Variants in PDZD2 observed in about 807,000 individuals in gnomAD.
PDZD2 encodes the protein PDZ domain containing 2.
Under a neutral mutation model 220.7 loss-of-function variants are expected in PDZD2, and 90 were observed. The observed-to-expected ratio is 0.41, with a 90% confidence interval of 0.34 to 0.49. The LOEUF is 0.49. Among genes scored for constraint, PDZD2 ranks in the 20% least tolerant of loss-of-function variants. The pLI, the probability that PDZD2 is intolerant of heterozygous loss-of-function variation, is 0.28. For synonymous variants in PDZD2, 1,375 were observed against 1,450.5 expected (o/e 0.95, Z 1.18); for missense variants, 3,174 against 3,608.5 (o/e 0.88, Z 3.08).
chr5:31,747,851 A>G (rs1216664296), intron 1 of PDZD2: 1 of 152,780 alleles, frequency 6.5e-6, no homozygotes, highest in Non-Finnish European at 1.5e-5. Flanking sequence ...CCTGCCAGCC[A>G]GCATTCTGTA....
At chr5:31,989,426 T>TTTTTTTTTTTTATTTTTATTTTTA (rs1751023881) in intron 3 of PDZD2, among the ~76,000 whole-genome samples, 1 of 146,390 alleles carries the variant, frequency 6.8e-6, no homozygotes, top group African/African-American at 2.6e-5. Context: ...CTTTTCTTTT[T>TTTTTTTTTTTTATTTTTATTTTTA]TTTTTTTTTT....
At chr5:31,641,797 C>A (rs987607213) in intron 1 of PDZD2, among the ~76,000 whole-genome samples, 1 of 152,256 alleles carries the variant, frequency 6.6e-6, no homozygotes, top group African/African-American at 2.4e-5. Flanking sequence ...CCTGGCCCCT[C>A]GTTCTGCTCC....
chr5:31,889,008 C>T (rs973851173), intron 2 of PDZD2, among the ~76,000 whole-genome samples: 3 of 152,156 alleles, frequency 2.0e-5, no homozygotes, highest in Non-Finnish European at 4.4e-5. Context: ...CTTGATGCTC[C>T]TCCCCGAGCC....
At chr5:31,934,605 A>AT (rs1298281073) in intron 2 of PDZD2, among the ~76,000 whole-genome samples, 3 of 61,886 alleles carry the variant, frequency 4.8e-5, no homozygotes, top group Non-Finnish European at 6.8e-5. Flanking sequence ...GAACCATCTA[A>AT]TTAAAAAAAA....
In PDZD2 at chr5:31,686,283, A is replaced by C. The variant is rs568483444; in HGVS notation, c.-361+46846A>C. Among the ~76,000 whole-genome samples, 24 of 152,150 alleles carry C rather than the reference A, an allele frequency of 1.6e-4. No homozygotes were observed. In the South Asian group the frequency reaches 5.0e-3, roughly 32 times the overall value. On this transcript the variant is annotated intron_variant, in intron 1 of 24. Transcript: ENST00000438447. ...AAAAATTTCATATTTCTTCATTGAT[A>C]GTTTTTAAGTTATTTTCTAATAGGT... is the stretch of plus-strand genomic sequence containing the variant.
intron 7 of PDZD2, among the ~76,000 whole-genome samples, chr5:32,045,851 A>T (rs1737896330): frequency 6.6e-6 from 1 of 152,230 alleles, no homozygotes; most frequent in South Asian, 2.1e-4. Flanking sequence ...ATTCATTGCC[A>T]TATGACTGTA....
chr5:31,831,576 G>A (rs187889550), intron 2 of PDZD2, among the ~76,000 whole-genome samples: 16 of 152,130 alleles, frequency 1.1e-4, no homozygotes, highest in East Asian at 5.8e-4. Context: ...GTGAAACCCC[G>A]TCTCTACTAA....
chr5:31,812,034 A>ATAAATAAG lies in PDZD2; in HGVS notation c.476+12314_476+12315insTAAGTAAA, dbSNP rs1755150263. Among the ~76,000 whole-genome samples, 3 of 147,394 alleles carry ATAAATAAG rather than the reference A, an allele frequency of 2.0e-5. No individual in the cohort carries two copies. In the South Asian group the frequency reaches 6.3e-4, roughly 31 times the overall value. ...AATAAATAAATAAATAAATAAATAA[A>ATAAATAAG]TAAAAATTCAAGCTCTGTTAAGTAC... is the stretch of plus-strand genomic sequence containing the variant. On this transcript the variant is annotated intron_variant, in intron 2 of 24. Coordinates refer to ENST00000438447, the MANE Select transcript of PDZD2 (RefSeq NM_178140.4).
Position 32,092,892 on chromosome 5 carries a change from A to G in PDZD2, c.7728-15A>G. 8.0e-7 allele frequency: 1 copy of G among 1,257,784 alleles called. No homozygotes were observed. Among genetic ancestry groups the G allele is most frequent in the Non-Finnish European group, 1.1e-6 (1 of 877,320 alleles). The allele number at this position is 1,257,784 out of a possible 1,614,324, so 77.9% of individuals were successfully genotyped here. On this transcript the variant is annotated splice_polypyrimidine_tract_variant and intron_variant, in intron 20 of 24. Coordinates refer to ENST00000438447, the MANE Select transcript of PDZD2 (RefSeq NM_178140.4). The stretch of plus-strand genomic sequence containing the variant: ...TTTTTCTTTAATGTTCTTCAAATAT[A>G]TTTATATTATTTAGTTTGGATCAAC...
At chr5:31,864,151 C>A (rs1048322243) in intron 2 of PDZD2, among the ~76,000 whole-genome samples, 9 of 152,136 alleles carry the variant, frequency 5.9e-5, no homozygotes, top group African/African-American at 1.9e-4. Flanking sequence ...CTAGCAGTCC[C>A]CCTAACCTTG....
chr5:31,899,323 G>C (rs1489322005), intron 2 of PDZD2, among the ~76,000 whole-genome samples: 1 of 152,074 alleles, frequency 6.6e-6, no homozygotes, highest in Non-Finnish European at 1.5e-5. Flanking sequence ...AGTAGAGATG[G>C]GGTTTCACCA....
chr5:32,082,849 T>C (rs1742100762), intron 19 of PDZD2, among the ~76,000 whole-genome samples: 1 of 152,184 alleles, frequency 6.6e-6, no homozygotes, highest in African/African-American at 2.4e-5. Flanking sequence ...TTTAGCTTTC[T>C]GGCAGCAATT....
intron 2 of PDZD2, among the ~76,000 whole-genome samples, chr5:31,915,754 G>T (rs1030962514): frequency 1.3e-5 from 2 of 152,136 alleles, no homozygotes; most frequent in Non-Finnish European, 2.9e-5. Flanking sequence ...ACAGATGAAA[G>T]GACCAGTAGT....
intron 2 of PDZD2, among the ~76,000 whole-genome samples, chr5:31,938,517 T>C (rs893642859): frequency 5.3e-5 from 8 of 152,200 alleles, no homozygotes; most frequent in Non-Finnish European, 1.2e-4. Flanking sequence ...AGTCCAGCCA[T>C]GTATTGACTG....
chr5:31,730,592 G>GGTGT (rs55673526), intron 1 of PDZD2, among the ~76,000 whole-genome samples: 21,737 of 120,874 alleles, frequency 0.18, 1,992 homozygotes, highest in Non-Finnish European at 0.21. Context: ...GTGTGTGTGT[G>GGTGT]GTGTGTGTGT....
At chr5:32,048,748 C>A in intron 8 of PDZD2, 64 bp downstream of exon 8, 2 of 1,535,236 alleles carry the variant, frequency 1.3e-6, no homozygotes, top group East Asian at 2.3e-5. Context: ...AAGAACTGCC[C>A]ATCCATACAG....
At chr5:31,887,748 G>C (rs1251237313) in intron 2 of PDZD2, among the ~76,000 whole-genome samples, 1 of 152,132 alleles carries the variant, frequency 6.6e-6, no homozygotes, top group Non-Finnish European at 1.5e-5. Flanking sequence ...CTCAAATACT[G>C]AGGGTTGCCT....
At chr5:31,816,941 T>C (rs55830731) in intron 2 of PDZD2, among the ~76,000 whole-genome samples, 18,317 of 152,190 alleles carry the variant, frequency 0.12, 1,319 homozygotes, top group Non-Finnish European at 0.17. Flanking sequence ...CCCAGCACTT[T>C]GGGAGGCCGA....
intron 2 of PDZD2, among the ~76,000 whole-genome samples, chr5:31,932,584 A>C (rs1423629151): frequency 6.7e-6 from 1 of 149,016 alleles, no homozygotes; most frequent in Non-Finnish European, 1.5e-5. Flanking sequence ...AAGAAAGAAA[A>C]TCCAGGCTCC....
Sources: allele counts gnomAD v4.1 joint callset (sites outside exome capture counted in the v4.1 genomes callset), GRCh38; gene constraint gnomAD v4.1.1; transcripts MANE v1.5; gene names NCBI Gene and HGNC (gene_info 2026-07-23, HGNC 2026-07-21).